The following LRRC4C variants were observed in gnomAD, a reference collection of about 807,000 sequenced individuals.
LRRC4C encodes the protein leucine-rich repeat-containing protein 4C.
In LRRC4C, 5 loss-of-function variants were observed where a neutral mutation model predicts 33.6. That is an observed-to-expected ratio of 0.15 (90% CI 0.08 to 0.31). The LOEUF is 0.31. Among genes scored for constraint, LRRC4C ranks in the 10% least tolerant of loss-of-function variants. The probability of loss-of-function intolerance (pLI) is 1.00; values close to 1 mark genes in which losing one functional copy is unlikely to be tolerated. For synonymous variants in LRRC4C, 329 were observed against 302.0 expected (o/e 1.09, Z -0.93); for missense variants, 560 against 796.7 (o/e 0.70, Z 3.58).
At chr11:40,490,463 T>C (rs1219719796) in intron 3 of LRRC4C, among the ~76,000 whole-genome samples, 1 of 152,094 alleles carries the variant, frequency 6.6e-6, no homozygotes, top group Non-Finnish European at 1.5e-5. Context: ...TGCATCTCCT[T>C]CCAAAAATCC....
chr11:40,415,213 T>C (rs950330529), intron 3 of LRRC4C, among the ~76,000 whole-genome samples: 1 of 152,188 alleles, frequency 6.6e-6, no homozygotes, highest in Admixed American at 6.5e-5. Flanking sequence ...AGTGGAAAAG[T>C]TCAGAGCGCC....
rs369765800 is a variant in LRRC4C at position 40,439,477 on chromosome 11, G to A, written c.-269-119756C>T. On this transcript the variant is annotated intron_variant, in intron 3 of 6. Coordinates refer to ENST00000528697, the MANE Select transcript of LRRC4C (RefSeq NM_001258419.2). ...TATTCTTTTTTTTTTTTTTTGAGAC[G>A]GAGTCTCATTCTGTCGCCCAGGCTG... Among the ~76,000 whole-genome samples, 71 of 140,790 alleles carry A rather than the reference G, an allele frequency of 5.0e-4. 1 individual carries two copies. The East Asian group carries it at 9.4e-3, about 19-fold the overall frequency. 92.4% of individuals were successfully genotyped at this position (140,790 alleles called of 152,430 possible). A position where few individuals can be genotyped will look rare whatever the true frequency, so the allele number is the denominator to read the frequency against.
chr11:40,319,003 G>A (rs1051583987), intron 4 of LRRC4C, among the ~76,000 whole-genome samples: 2 of 152,092 alleles, frequency 1.3e-5, no homozygotes, highest in African/African-American at 4.8e-5. Context: ...AATTATCTTC[G>A]TGTGCTGTTA....
At chr11:41,184,634 A>G (rs550158096) in intron 1 of LRRC4C, among the ~76,000 whole-genome samples, 18 of 152,132 alleles carry the variant, frequency 1.2e-4, no homozygotes, top group Admixed American at 7.2e-4. Context: ...ACTTTCCCAC[A>G]TTTTCCTGTC....
rs537123588 is a variant in LRRC4C at position 40,433,101 on chromosome 11, C to T, written c.-269-113380G>A. On this transcript the variant is annotated intron_variant, in intron 3 of 6. Coordinates refer to ENST00000528697, the MANE Select transcript of LRRC4C (RefSeq NM_001258419.2). ...CACACACTTACACACAGCAGACACA[C>T]TTACACATAGGATTATGTTGTACAT... Among the ~76,000 whole-genome samples the T allele has an allele frequency of 1.1e-3, 165 of 152,246 alleles. 2 individuals carry two copies. The Middle Eastern group carries it at 0.017, about 16-fold the overall frequency.
intron 4 of LRRC4C, among the ~76,000 whole-genome samples, chr11:40,318,434 A>C (rs1384365252): frequency 6.6e-6 from 1 of 152,178 alleles, no homozygotes; most frequent in African/African-American, 2.4e-5. Context: ...AGCAGGGTTC[A>C]TTCATTACAG....
chr11:41,163,621 T>G (rs892560140), intron 1 of LRRC4C, among the ~76,000 whole-genome samples: 1 of 151,246 alleles, frequency 6.6e-6, no homozygotes, highest in Non-Finnish European at 1.5e-5. Flanking sequence ...AACTGTTTTT[T>G]TTTTGTTTGA....
At chr11:40,158,337 C>A (rs1858878136) in intron 5 of LRRC4C, among the ~76,000 whole-genome samples, 1 of 151,960 alleles carries the variant, frequency 6.6e-6, no homozygotes, top group Non-Finnish European at 1.5e-5. Context: ...GTGATGGGTG[C>A]AGCAAAATCT....
At chr11:40,253,196 G>C (rs958224924) in intron 4 of LRRC4C, among the ~76,000 whole-genome samples, 1 of 152,096 alleles carries the variant, frequency 6.6e-6, no homozygotes, top group Admixed American at 6.6e-5. Context: ...AATATCTAAG[G>C]TTACTTCTGG....
intron 2 of LRRC4C, among the ~76,000 whole-genome samples, chr11:40,654,574 T>C (rs183508497): frequency 1.3e-5 from 2 of 152,212 alleles, no homozygotes; most frequent in Non-Finnish European, 2.9e-5. Flanking sequence ...TCCCATTGTA[T>C]CTAGGAAGTG....
At chr11:40,866,187 C>T (rs1362004743) in intron 2 of LRRC4C, among the ~76,000 whole-genome samples, 6 of 122,022 alleles carry the variant, frequency 4.9e-5, no homozygotes, top group Non-Finnish European at 7.0e-5. Flanking sequence ...AAAAAAAAAG[C>T]GGTAAGAAAT....
intron 3 of LRRC4C, among the ~76,000 whole-genome samples, chr11:40,430,499 G>A (rs1000108793): frequency 6.6e-6 from 1 of 152,112 alleles, no homozygotes; most frequent in Non-Finnish European, 1.5e-5. Flanking sequence ...GGAACGGCAA[G>A]ATTTACATGG....
At chr11:40,186,779 C>T (rs1308602993) in intron 5 of LRRC4C, among the ~76,000 whole-genome samples, 1 of 152,202 alleles carries the variant, frequency 6.6e-6, no homozygotes, top group African/African-American at 2.4e-5. Context: ...GCCTGCCTCT[C>T]TCTGACATTT....
At chr11:40,496,751 G>A (rs1954482845) in intron 3 of LRRC4C, among the ~76,000 whole-genome samples, 1 of 152,158 alleles carries the variant, frequency 6.6e-6, no homozygotes, top group Non-Finnish European at 1.5e-5. Flanking sequence ...CATGTGTTTA[G>A]ATGAGTGATG....
intron 3 of LRRC4C, among the ~76,000 whole-genome samples, chr11:40,577,832 CTTTTTTTT>C (rs56061263): frequency 3.4e-5 from 4 of 119,344 alleles, no homozygotes; most frequent in Admixed American, 9.2e-5. Flanking sequence ...TTTCTTTTTT[CTTTTTTTT>C]TTTTTTTTTT....
intron 3 of LRRC4C, among the ~76,000 whole-genome samples, chr11:40,606,218 A>G (rs2135845547): frequency 6.6e-6 from 1 of 152,332 alleles, no homozygotes; most frequent in African/African-American, 2.4e-5. Flanking sequence ...TAGTGAAGGC[A>G]AAAGGGATAT....
chr11:40,197,905 G>A (rs1862393763), intron 5 of LRRC4C, among the ~76,000 whole-genome samples: 1 of 152,088 alleles, frequency 6.6e-6, no homozygotes, highest in African/African-American at 2.4e-5. Context: ...CACCTATTAT[G>A]TGCCAAATAC....
chr11:40,840,862 C>T (rs1414976106), intron 2 of LRRC4C, among the ~76,000 whole-genome samples: 2 of 152,120 alleles, frequency 1.3e-5, no homozygotes, highest in Non-Finnish European at 2.9e-5. Flanking sequence ...ACATTATATG[C>T]TCTGGGAACC....
chr11:40,992,402 C>T (rs1389261823), intron 1 of LRRC4C, among the ~76,000 whole-genome samples: 3 of 149,750 alleles, frequency 2.0e-5, no homozygotes, highest in Non-Finnish European at 4.4e-5. Flanking sequence ...ATTTTATTGA[C>T]TGATATAAAA....
Sources: allele counts gnomAD v4.1 joint callset (sites outside exome capture counted in the v4.1 genomes callset), GRCh38; gene constraint gnomAD v4.1.1; transcripts MANE v1.5; gene names NCBI Gene and HGNC (gene_info 2026-07-23, HGNC 2026-07-21).